The following RHOH variants were observed in gnomAD, a reference collection of about 807,000 sequenced individuals.
RHOH encodes ras homolog family member H.
A neutral mutation model predicts 13.8 loss-of-function variants in RHOH; 6 were observed. The ratio of observed to expected loss-of-function variants is 0.44; its 90% confidence interval spans 0.24 to 0.86. The LOEUF is 0.86. Among genes scored for constraint, RHOH ranks in the 40% least tolerant of loss-of-function variants. The probability of loss-of-function intolerance (pLI) is 0.24; values close to 1 mark genes in which losing one functional copy is unlikely to be tolerated. For synonymous variants in RHOH, 117 were observed against 103.0 expected (o/e 1.14, Z -0.82); for missense variants, 147 against 244.5 (o/e 0.60, Z 2.66).
intron 1 of RHOH, among the ~76,000 whole-genome samples, chr4:40,198,825 A>G (rs564656881): frequency 6.6e-6 from 1 of 152,328 alleles, no homozygotes; most frequent in African/African-American, 2.4e-5. Context: ...TCCATGAAAT[A>G]TGTGCTACTT....
chr4:40,217,289 A>G (rs999428847), intron 1 of RHOH, among the ~76,000 whole-genome samples: 30 of 152,232 alleles, frequency 2.0e-4, no homozygotes, highest in African/African-American at 7.0e-4. Flanking sequence ...ATCCAGTGAC[A>G]CTAGCAAATG....
intron 1 of RHOH, chr4:40,235,392 C>A (rs1205390596): frequency 8.6e-6 from 1 of 115,702 alleles, no homozygotes; most frequent in African/African-American, 3.9e-5. Flanking sequence ...GAGTTTGAGA[C>A]CAGCCTGGCC....
chr4:40,239,788 G>A (rs893041412), intron 1 of RHOH, among the ~76,000 whole-genome samples: 4 of 151,984 alleles, frequency 2.6e-5, no homozygotes, highest in Admixed American at 6.6e-5. Flanking sequence ...TGAGGCAGGA[G>A]AATCACTTGA....
upstream of RHOH, chr4:40,196,946 CT>C (rs912447705): frequency 2.6e-5 from 4 of 151,404 alleles, no homozygotes; most frequent in African/African-American, 9.7e-5. Context: ...ACACACCCCC[CT>C]AAACCCACAC....
Position 40,221,254 on chromosome 4 carries a change from G to A in RHOH, c.-330-21460G>A, listed in dbSNP as rs115147172. Reference sequence around the variant, plus strand: ...GATAGATCGCACCAGACAAAGTTTGGACATTTATCTTTCTACATAAATGGA... The same window carrying A: ...GATAGATCGCACCAGACAAAGTTTGAACATTTATCTTTCTACATAAATGGA... On this transcript the variant is annotated intron_variant, in intron 1 of 2. Transcript: ENST00000381799. Among the ~76,000 whole-genome samples, 1,070 of 152,224 alleles carry A rather than the reference G, an allele frequency of 7.0e-3. 9 individuals are homozygous for A. The highest frequency in any genetic ancestry group is 0.02 in the Middle Eastern group (6 of 294).
chr4:40,243,518 C>T lies in RHOH; in HGVS notation c.132C>T (p.Asp44=), dbSNP rs773671410. 4.3e-6 allele frequency: 7 copies of T among 1,613,892 alleles called. No individual in the cohort carries two copies. In the East Asian group the frequency reaches 8.9e-5, roughly 21 times the overall value. The change falls in exon 3 of 3, where the codon GAC becomes GAT. Residue 44 remains aspartate, a synonymous_variant. Transcript: ENST00000381799. The surrounding 1 kb of genome is among the most constrained non-coding windows in gnomAD (Gnocchi z 6.2). ...KPTVYENTGV[D]VFMDGIQISL... ...CAGTGTACGAGAACACAGGGGTGGA[C>T]GTCTTCATGGATGGCATCCAGATCA...
At chr4:40,205,715 G>A (rs985293827) in intron 1 of RHOH, 2 of 152,320 alleles carry the variant, frequency 1.3e-5, no homozygotes, top group African/African-American at 4.8e-5. Flanking sequence ...GAAGTGGTAA[G>A]ATGAGGCCAC....
intron 1 of RHOH, among the ~76,000 whole-genome samples, chr4:40,228,408 AT>A (rs1560276775): frequency 6.6e-6 from 1 of 152,230 alleles, no homozygotes; most frequent in African/African-American, 2.4e-5. Context: ...AAAATAGGAT[AT>A]ATAGAAATGG....
At chr4:40,194,619 G>A (rs570809702), upstream of RHOH, among the ~76,000 whole-genome samples, 4 of 152,186 alleles carry the variant, frequency 2.6e-5, no homozygotes, top group Middle Eastern at 3.4e-3. Flanking sequence ...CAAACAATTC[G>A]CCTGCCTCGG....
At chr4:40,204,640 C>T (rs1724425849) in intron 1 of RHOH, among the ~76,000 whole-genome samples, 1 of 152,166 alleles carries the variant, frequency 6.6e-6, no homozygotes, top group Middle Eastern at 3.2e-3. Context: ...GCTCTGCCCT[C>T]AGCAGAGGGA....
chr4:40,223,962 G>A (rs7677166), intron 1 of RHOH, among the ~76,000 whole-genome samples: 17,565 of 151,916 alleles, frequency 0.12, 1,042 homozygotes, highest in South Asian at 0.18. Flanking sequence ...AGTAGAGACA[G>A]GGTTTCTCCA....
At chr4:40,238,834 G>A (rs562319450) in intron 1 of RHOH, among the ~76,000 whole-genome samples, 5 of 152,252 alleles carry the variant, frequency 3.3e-5, no homozygotes, top group African/African-American at 4.8e-5. Flanking sequence ...GAAATACCAC[G>A]GAAGACTCAC....
chr4:40,204,041 G>T (rs1398677819), intron 1 of RHOH, among the ~76,000 whole-genome samples: 1 of 152,146 alleles, frequency 6.6e-6, no homozygotes, highest in Non-Finnish European at 1.5e-5. Flanking sequence ...ACTCAAAATA[G>T]TAATAACAAT....
chr4:40,206,298 C>A (rs191934095), intron 1 of RHOH, among the ~76,000 whole-genome samples: 9 of 152,270 alleles, frequency 5.9e-5, no homozygotes, highest in Admixed American at 4.6e-4. Context: ...TTACTACGAA[C>A]CTTTTTCTCC....
rs1729538171 is a variant in RHOH, at chr4:40,243,669, A to C, written c.283A>C (p.Lys95Gln). Reference sequence around the variant, plus strand: ...CAACCATAACTCATTCCTGAACTTGAAGAACAAGTGGATTGGTGAAATTAG... The same window carrying C: ...CAACCATAACTCATTCCTGAACTTGCAGAACAAGTGGATTGGTGAAATTAG... ...VANHNSFLNL[K>Q]NKWIGEIRSN... is the part of the protein sequence containing the mutation. The change falls in exon 3 of 3, where the codon AAG becomes CAG. Residue 95 changes from lysine to glutamine, a missense_variant. Transcript: ENST00000381799. This position sits in a 1 kb window ranked among gnomAD's most constrained non-coding sequence, Gnocchi z 6.2. 6.2e-7 allele frequency: 1 copy of C among 1,614,180 alleles called. No homozygotes were observed. Among genetic ancestry groups the C allele is most frequent in the Non-Finnish European group, 8.5e-7 (1 of 1,180,024 alleles).
At chr4:40,214,966 G>C (rs1019057657) in intron 1 of RHOH, among the ~76,000 whole-genome samples, 2 of 152,042 alleles carry the variant, frequency 1.3e-5, no homozygotes, top group African/African-American at 4.8e-5. Context: ...CGTTTCTCAT[G>C]GTCAGCAAAT....
At position 40,218,306 on chromosome 4, in the gene RHOH, T is replaced by G. The variant is rs1470602445; in HGVS notation, c.-331+21006T>G. On this transcript the variant is annotated intron_variant, in intron 1 of 2. Coordinates refer to ENST00000381799, the MANE Select transcript of RHOH (RefSeq NM_004310.5). The surrounding 1 kb of genome is among the most constrained non-coding windows in gnomAD (Gnocchi z 4.1). ...TTCCGAGAGCTCTCTCAGGTATTTA[T>G]TATATGCACGTTCTGTCTACAATGA... 1 of 152,226 alleles carries G rather than the reference T, an allele frequency of 6.6e-6. No individual in the cohort carries two copies. The highest frequency in any genetic ancestry group is 2.4e-5 in the African/African-American group (1 of 41,460). The allele number at this position is 152,226 out of a possible 1,614,324, so 9.4% of individuals were successfully genotyped here.
chr4:40,199,269 T>C (rs190376691), intron 1 of RHOH, among the ~76,000 whole-genome samples: 32 of 152,352 alleles, frequency 2.1e-4, no homozygotes, highest in Non-Finnish European at 3.8e-4. Context: ...TTATGATTCT[T>C]ATTAAGGACT....
intron 1 of RHOH, among the ~76,000 whole-genome samples, chr4:40,231,318 AT>A (rs3071888): frequency 1.1e-3 from 136 of 127,710 alleles, no homozygotes; most frequent in Middle Eastern, 4.0e-3. Context: ...TTCTTAGGTG[AT>A]TTTTTTTTTT....
Sources: allele counts gnomAD v4.1 joint callset (sites outside exome capture counted in the v4.1 genomes callset), GRCh38; gene constraint gnomAD v4.1.1; non-coding constraint Gnocchi (gnomAD v3.1); transcripts MANE v1.5; gene names NCBI Gene and HGNC (gene_info 2026-07-23, HGNC 2026-07-21).